Variants in TBC1D22B observed in about 807,000 individuals in gnomAD.
TBC1D22B encodes the protein TBC1 domain family member 22B.
Under a neutral mutation model 69.1 loss-of-function variants are expected in TBC1D22B, and 32 were observed. The observed-to-expected ratio is 0.46, with a 90% CI of 0.35 to 0.62. The LOEUF (loss-of-function observed/expected upper bound fraction) is 0.62. Among genes scored for constraint, TBC1D22B ranks in the 20% least tolerant of loss-of-function variants. The pLI, the probability that TBC1D22B is intolerant of heterozygous loss-of-function variation, is 0.00. For missense variants in TBC1D22B, 462 were observed against 630.9 expected (o/e 0.73, Z 2.87); for synonymous variants, 206 against 229.8 (o/e 0.90, Z 0.94).
At chr6:37,278,105 C>T (rs1256544559) in intron 2 of TBC1D22B, among the ~76,000 whole-genome samples, 1 of 152,158 alleles carries the variant, frequency 6.6e-6, no homozygotes, top group Non-Finnish European at 1.5e-5. Context: ...TCACTCCACC[C>T]TGGGTGACAG....
intron 1 of TBC1D22B, among the ~76,000 whole-genome samples, chr6:37,269,356 A>T (rs762904194): frequency 6.6e-6 from 1 of 152,192 alleles, no homozygotes; most frequent in African/African-American, 2.4e-5. Context: ...CCTTCTTTAC[A>T]CATAGGACAT....
At chr6:37,283,537 C>A (rs957553696) in intron 5 of TBC1D22B, among the ~76,000 whole-genome samples, 1 of 152,252 alleles carries the variant, frequency 6.6e-6, no homozygotes, top group Admixed American at 6.5e-5. Flanking sequence ...ACAGTCCCCA[C>A]TCTCCAGGCA....
At chr6:37,328,787 C>T (rs1325667452) in intron 12 of TBC1D22B, among the ~76,000 whole-genome samples, 3 of 151,984 alleles carry the variant, frequency 2.0e-5, no homozygotes, top group Non-Finnish European at 4.4e-5. Context: ...AGTGTAATGG[C>T]GTGATCTCGG....
chr6:37,305,900 A>G (rs1244827751), intron 8 of TBC1D22B, among the ~76,000 whole-genome samples: 1 of 151,952 alleles, frequency 6.6e-6, no homozygotes, highest in Non-Finnish European at 1.5e-5. Flanking sequence ...GTTTGGAGGG[A>G]ATTGGTGGGG....
At chr6:37,279,079 A>G (rs577114376) in intron 2 of TBC1D22B, among the ~76,000 whole-genome samples, 28 of 152,336 alleles carry the variant, frequency 1.8e-4, no homozygotes, top group Non-Finnish European at 2.9e-5. Flanking sequence ...ACAAGAGCAC[A>G]TGGGATATTT....
intron 8 of TBC1D22B, among the ~76,000 whole-genome samples, chr6:37,310,982 A>G (rs919242575): frequency 2.0e-5 from 3 of 152,236 alleles, no homozygotes; most frequent in Non-Finnish European, 4.4e-5. Flanking sequence ...TTATATAAAC[A>G]CATAAATATT....
At chr6:37,303,469 G>A (rs184675111) in intron 8 of TBC1D22B, among the ~76,000 whole-genome samples, 43 of 152,082 alleles carry the variant, frequency 2.8e-4, no homozygotes, top group African/African-American at 9.4e-4. Flanking sequence ...CACTATGCAC[G>A]CCCTAGGTCA....
chr6:37,310,140 G>C (rs1025975553), intron 8 of TBC1D22B, among the ~76,000 whole-genome samples: 1 of 143,768 alleles, frequency 7.0e-6, no homozygotes, highest in African/African-American at 2.5e-5. Flanking sequence ...ATATATGTAA[G>C]TATATCTATA....
chr6:37,324,268 T>C (rs12208370), intron 12 of TBC1D22B: 9,991 of 456,676 alleles, frequency 0.022, 154 homozygotes, highest in Non-Finnish European at 0.029. Context: ...CCAGCCCTTA[T>C]TGCAGAGTAA....
chr6:37,323,558 G>A (rs1406276820), intron 12 of TBC1D22B, among the ~76,000 whole-genome samples: 2 of 152,170 alleles, frequency 1.3e-5, no homozygotes, highest in Non-Finnish European at 2.9e-5. Context: ...AGAAAATGTT[G>A]GAGAGATTCC....
chr6:37,311,173 T>C (rs935900199), intron 8 of TBC1D22B, among the ~76,000 whole-genome samples: 1 of 91,196 alleles, frequency 1.1e-5, no homozygotes, highest in Non-Finnish European at 2.2e-5. Context: ...GCAGCTGGCC[T>C]TCAAGTTGGA....
chr6:37,287,097 T>G lies in TBC1D22B; in HGVS notation c.867+25T>G, dbSNP rs565785175. On this transcript the variant is annotated intron_variant, in intron 7 of 12. Coordinates refer to ENST00000373491, the MANE Select transcript of TBC1D22B (RefSeq NM_017772.4). ...GGTGAGGGAATTACTTAATGTTCTT[T>G]GGCGCTTCTCCCCGCATAGTTCTGT... 191 of 1,580,884 alleles carry G rather than the reference T, an allele frequency of 1.2e-4. No homozygotes were observed. The South Asian group carries it at 1.4e-3, about 12-fold the overall frequency.
intron 12 of TBC1D22B, among the ~76,000 whole-genome samples, chr6:37,320,907 C>G (rs1312537796): frequency 6.6e-6 from 1 of 152,210 alleles, no homozygotes; most frequent in East Asian, 1.9e-4. Context: ...GGGCCAAAGC[C>G]TCTTTTGTGG....
chr6:37,325,511 T>TCATC (rs1768363891), intron 12 of TBC1D22B, among the ~76,000 whole-genome samples: 1 of 150,986 alleles, frequency 6.6e-6, no homozygotes, highest in Non-Finnish European at 1.5e-5. Flanking sequence ...ATTAGCACCT[T>TCATC]CATCCCCCAG....
In TBC1D22B at chr6:37,262,016, G is replaced by GAA. The variant is rs34575719; in HGVS notation, c.56+4052_56+4053dup. Among the ~76,000 whole-genome samples, 247 of 84,636 alleles carry GAA rather than the reference G, an allele frequency of 2.9e-3. 28 individuals are homozygous for GAA. The highest frequency in any genetic ancestry group is 0.023 in the Admixed American group (179 of 7,660). The allele number at this position is 84,636 out of a possible 152,430, so 55.5% of individuals were successfully genotyped here. Reference sequence around the variant, plus strand: ...GTGTGTCTAGAGCTCGGGCACAGGAGAAAAAAAAAATCACCTTTTTTTTTT... The same window carrying GAA: ...GTGTGTCTAGAGCTCGGGCACAGGAGAAAAAAAAAAAATCACCTTTTTTTTTT... On this transcript the variant is annotated intron_variant, in intron 1 of 12. Coordinates refer to ENST00000373491, the MANE Select transcript of TBC1D22B (RefSeq NM_017772.4).
At chr6:37,288,184 C>T (rs562827663) in intron 7 of TBC1D22B, among the ~76,000 whole-genome samples, 1 of 151,962 alleles carries the variant, frequency 6.6e-6, no homozygotes, top group Non-Finnish European at 1.5e-5. Flanking sequence ...TGGTGGGGTC[C>T]CTCATGTCTT....
At chr6:37,260,890 A>G (rs550473664) in intron 1 of TBC1D22B, among the ~76,000 whole-genome samples, 34 of 152,184 alleles carry the variant, frequency 2.2e-4, no homozygotes, top group African/African-American at 7.7e-4. Context: ...TCATCAGTTG[A>G]TGGATATTTG....
Position 37,257,792 on chromosome 6 carries a change from A to C in TBC1D22B, c.-126A>C. The stretch of plus-strand genomic sequence containing the variant: ...TGCCCACATCCAAGATGGCGTCCCC[A>C]GGAGCTGGGAGCGGGTGACCGGCGG... On this transcript the variant is annotated 5_prime_UTR_variant, in exon 1 of 13. Coordinates refer to ENST00000373491, the MANE Select transcript of TBC1D22B (RefSeq NM_017772.4). 9.7e-7 allele frequency: 1 copy of C among 1,032,522 alleles called. No homozygotes were observed. The highest frequency in any genetic ancestry group is 1.4e-6 in the Non-Finnish European group (1 of 699,826). 64.0% of individuals were successfully genotyped at this position (1,032,522 alleles called of 1,614,324 possible). A position where few individuals can be genotyped will look rare whatever the true frequency, so the allele number is the denominator to read the frequency against.
At chr6:37,269,898 T>C (rs1766427981) in intron 2 of TBC1D22B, among the ~76,000 whole-genome samples, 1 of 152,320 alleles carries the variant, frequency 6.6e-6, no homozygotes, top group South Asian at 2.1e-4. Flanking sequence ...TTGGATTCTT[T>C]GGTCAAAAGA....
Sources: gnomAD v4.1 joint callset for allele counts (sites outside exome capture counted in the v4.1 genomes callset) on GRCh38, gnomAD v4.1.1 for gene constraint, MANE v1.5 for transcripts, NCBI Gene and HGNC (gene_info 2026-07-23, HGNC 2026-07-21) for gene names.